MEIS2: variants seen among roughly 807,000 people sequenced by gnomAD.
MEIS2 encodes homeobox protein Meis2.
In MEIS2, 9 loss-of-function variants were observed where a neutral mutation model predicts 58.6. That is an observed-to-expected ratio of 0.15 (90% CI 0.09 to 0.27). The LOEUF (loss-of-function observed/expected upper bound fraction) is 0.27, where lower values mean the gene tolerates loss of function less well. MEIS2 is among the 10% of genes least tolerant of loss of function. The pLI is 1.00. For missense variants in MEIS2, 427 were observed against 635.0 expected, an observed-to-expected ratio of 0.67 and a Z score of 3.52; for synonymous variants, 221 against 228.4, an observed-to-expected ratio of 0.97 and a Z score of 0.29.
intron 8 of MEIS2, among the ~76,000 whole-genome samples, chr15:37,024,465 T>C (rs2381932): frequency 0.77 from 117,388 of 152,122 alleles, 45,455 homozygotes; most frequent in East Asian, 0.85. Flanking sequence ...GCCACCATTT[T>C]CAGCTTCCAC....
chr15:37,090,634 C>G (rs1893398851), intron 6 of MEIS2, among the ~76,000 whole-genome samples: 1 of 152,052 alleles, frequency 6.6e-6, no homozygotes, highest in African/African-American at 2.4e-5. Context: ...GCTTTTCTCT[C>G]TCTCCTTGCA....
intron 8 of MEIS2, among the ~76,000 whole-genome samples, chr15:36,996,048 TATATATATACACACAC>T (rs2060510957): frequency 1.9e-5 from 2 of 104,952 alleles, no homozygotes; most frequent in East Asian, 5.8e-4. Flanking sequence ...CACACACACA[TATATATATACACACAC>T]ATATATATAT....
intron 8 of MEIS2, among the ~76,000 whole-genome samples, chr15:36,986,897 TAACTA>T (rs1350876991): frequency 6.6e-6 from 1 of 152,232 alleles, no homozygotes; most frequent in Non-Finnish European, 1.5e-5. Flanking sequence ...GACTGGACTG[TAACTA>T]TTACACAGGA....
chr15:37,034,223 G>A (rs144891270), intron 8 of MEIS2, among the ~76,000 whole-genome samples: 1 of 152,278 alleles, frequency 6.6e-6, no homozygotes, highest in Non-Finnish European at 1.5e-5. Flanking sequence ...CATGGGAAAG[G>A]AGCTTATCCA....
intron 9 of MEIS2, among the ~76,000 whole-genome samples, chr15:36,940,873 G>A (rs553184043): frequency 6.6e-6 from 1 of 152,250 alleles, no homozygotes; most frequent in Non-Finnish European, 1.5e-5. Flanking sequence ...ATTTTAATAA[G>A]TAACCTATTA....
intron 7 of MEIS2, among the ~76,000 whole-genome samples, chr15:37,049,449 T>G (rs2062814548): frequency 6.6e-6 from 1 of 151,754 alleles, no homozygotes; most frequent in African/African-American, 2.4e-5. Flanking sequence ...GAATTATATC[T>G]CAATAAAGTT....
At chr15:37,009,200 A>G in intron 8 of MEIS2, among the ~76,000 whole-genome samples, 1 of 152,174 alleles carries the variant, frequency 6.6e-6, no homozygotes, top group South Asian at 2.1e-4. Context: ...GAGGCAAGAG[A>G]ATGGCATGAA....
intron 3 of MEIS2, chr15:37,095,922 C>T (rs1894166624): frequency 4.3e-6 from 2 of 464,586 alleles, no homozygotes; most frequent in Non-Finnish European, 7.8e-6. Context: ...TGCCTGGGAC[C>T]GCTCGGAGAG....
At chr15:37,029,445 A>G (rs1467895772) in intron 8 of MEIS2, among the ~76,000 whole-genome samples, 1 of 152,180 alleles carries the variant, frequency 6.6e-6, no homozygotes, top group Non-Finnish European at 1.5e-5. Context: ...AGAAATAACT[A>G]ATGTCCATGA....
At chr15:37,013,438 G>C (rs769278611) in intron 8 of MEIS2, among the ~76,000 whole-genome samples, 1 of 151,864 alleles carries the variant, frequency 6.6e-6, no homozygotes, top group Non-Finnish European at 1.5e-5. Context: ...TGGGCATGGT[G>C]GTGGGCGCCT....
At chr15:36,969,521 T>TTGTTCTC (rs1417516122) in intron 8 of MEIS2, among the ~76,000 whole-genome samples, 1 of 152,214 alleles carries the variant, frequency 6.6e-6, no homozygotes, top group Non-Finnish European at 1.5e-5. Flanking sequence ...TTTAGTTATT[T>TTGTTCTC]AAAGGTATTG....
intron 8 of MEIS2, among the ~76,000 whole-genome samples, chr15:37,006,553 C>T (rs1228824315): frequency 6.6e-6 from 1 of 152,194 alleles, no homozygotes; most frequent in Non-Finnish European, 1.5e-5. Flanking sequence ...TCCTTCATTA[C>T]CTATCTTGTC....
chr15:37,041,857 C>T (rs535629912), intron 7 of MEIS2, among the ~76,000 whole-genome samples: 1 of 152,236 alleles, frequency 6.6e-6, no homozygotes, highest in Non-Finnish European at 1.5e-5. Flanking sequence ...AGAAAATTCT[C>T]ATTCATAAAA....
At chr15:36,978,250 G>A (rs2059821689) in intron 8 of MEIS2, among the ~76,000 whole-genome samples, 1 of 152,220 alleles carries the variant, frequency 6.6e-6, no homozygotes. Flanking sequence ...TTTGTTAAGT[G>A]CACAGTATGT....
Position 37,078,709 on chromosome 15 carries a change from A to C in MEIS2, c.754+5062T>G, listed in dbSNP as rs73395443. On this transcript the variant is annotated intron_variant, in intron 7 of 11. Coordinates refer to ENST00000561208, the MANE Select transcript of MEIS2 (RefSeq NM_170675.5). ...GGTAGTTCACTGTGTAAAAATTATC[A>C]GGCTAAAACATCTGGGAAAGAAAGC... is the stretch of plus-strand genomic sequence containing the variant. Among the ~76,000 whole-genome samples the C allele has an allele frequency of 7.0e-3, 1,062 of 151,762 alleles. 14 individuals are homozygous for C. The highest frequency in any genetic ancestry group is 0.025 in the African/African-American group (1,038 of 41,434).
At chr15:36,929,613 T>C (rs1273109826) in intron 9 of MEIS2, among the ~76,000 whole-genome samples, 1 of 152,216 alleles carries the variant, frequency 6.6e-6, no homozygotes, top group Non-Finnish European at 1.5e-5. Context: ...GATTCTGAAC[T>C]GGAAGCACCA....
At chr15:37,049,069 G>T (rs141589810) in intron 7 of MEIS2, among the ~76,000 whole-genome samples, 1 of 152,274 alleles carries the variant, frequency 6.6e-6, no homozygotes, top group African/African-American at 2.4e-5. Flanking sequence ...CCATTATGAT[G>T]ATTGCTTTAA....
At position 36,997,954 on chromosome 15, in the gene MEIS2, T is replaced by C. The variant is rs571178573; in HGVS notation, c.900+38860A>G. ...ACCTGTGGCCCTGCACCTTCACTGA[T>C]CCTTGCCCTATCCCCTGTCATATCA... On this transcript the variant is annotated intron_variant, in intron 8 of 11. Coordinates refer to ENST00000561208, the MANE Select transcript of MEIS2 (RefSeq NM_170675.5). Among the ~76,000 whole-genome samples, 3 of 152,312 alleles carry C rather than the reference T, an allele frequency of 2.0e-5. No homozygotes were observed. The South Asian group carries it at 6.2e-4, about 32-fold the overall frequency.
At chr15:36,978,750 T>C (rs2141497481) in intron 8 of MEIS2, among the ~76,000 whole-genome samples, 1 of 152,324 alleles carries the variant, frequency 6.6e-6, no homozygotes, top group Non-Finnish European at 1.5e-5. Context: ...ACTTGCTTCT[T>C]AAAAAGTTAA....
Sources: gnomAD v4.1 joint callset for allele counts (sites outside exome capture counted in the v4.1 genomes callset) on GRCh38, gnomAD v4.1.1 for gene constraint, MANE v1.5 for transcripts, NCBI Gene and HGNC (gene_info 2026-07-23, HGNC 2026-07-21) for gene names.